Variants in CDK12 observed in about 807,000 individuals in gnomAD.
CDK12 encodes the protein cyclin-dependent kinase 12.
Under a neutral mutation model 133.8 loss-of-function variants are expected in CDK12, and 17 were observed. The observed-to-expected ratio is 0.13, with a 90% CI of 0.09 to 0.19. CDK12 has a LOEUF of 0.19. Among genes scored for constraint, CDK12 ranks in the 10% least tolerant of loss-of-function variants. The pLI, the probability that CDK12 is intolerant of heterozygous loss-of-function variation, is 1.00. For synonymous variants in CDK12, 694 were observed against 683.6 expected (o/e 1.02, Z -0.24); for missense variants, 1,508 against 1,818.7 (o/e 0.83, Z 3.11).
chr17:39,530,195 G>A (rs2054742416), intron 13 of CDK12: 1 of 166,258 alleles, frequency 6.0e-6, no homozygotes, highest in Non-Finnish European at 1.3e-5. Context: ...GCAAGATTAT[G>A]TCCTAGAAAT....
chr17:39,527,586 T>C (rs1323082014), intron 13 of CDK12, among the ~76,000 whole-genome samples: 3 of 152,248 alleles, frequency 2.0e-5, no homozygotes, highest in Non-Finnish European at 4.4e-5. Flanking sequence ...CTTACTCCAT[T>C]GCCCAGGCTG....
At chr17:39,504,236 G>A (rs1473024309) in intron 6 of CDK12, among the ~76,000 whole-genome samples, 1 of 152,176 alleles carries the variant, frequency 6.6e-6, no homozygotes, top group Non-Finnish European at 1.5e-5. Context: ...TATATATCCA[G>A]GGTAGTGATA....
upstream of CDK12, among the ~76,000 whole-genome samples, chr17:39,543,232 G>A (rs751973461): frequency 5.3e-5 from 8 of 152,204 alleles, no homozygotes; most frequent in Admixed American, 1.3e-4. Flanking sequence ...GTTTTGAGTT[G>A]TTTGATATTC....
At chr17:39,475,173 C>T (rs1235883584) in intron 2 of CDK12, among the ~76,000 whole-genome samples, 1 of 152,054 alleles carries the variant, frequency 6.6e-6, no homozygotes, top group Non-Finnish European at 1.5e-5. Flanking sequence ...TATACTCTTT[C>T]TAACATTAAT....
intron 6 of CDK12, among the ~76,000 whole-genome samples, chr17:39,506,234 T>TG (rs1383474376): frequency 6.7e-4 from 100 of 149,484 alleles, no homozygotes; most frequent in African/African-American, 2.4e-3. Flanking sequence ...TTTTTTTTTT[T>TG]GAGATGGAGT....
At chr17:39,496,299 A>G (rs1441143538) in intron 5 of CDK12, among the ~76,000 whole-genome samples, 1 of 152,210 alleles carries the variant, frequency 6.6e-6, no homozygotes, top group Non-Finnish European at 1.5e-5. Context: ...ACTTGTCATA[A>G]GCAATTTCTC....
intron 5 of CDK12, 138 bp from the exon 6 acceptor site, chr17:39,501,112 G>T: frequency 1.8e-6 from 1 of 558,274 alleles, no homozygotes; most frequent in Non-Finnish European, 3.1e-6. Context: ...CTTCGTTTCA[G>T]TTTCTTCATC....
At chr17:39,544,722 C>T (rs1003358890), upstream of CDK12, among the ~76,000 whole-genome samples, 16 of 150,594 alleles carry the variant, frequency 1.1e-4, no homozygotes, top group Non-Finnish European at 1.3e-4. Flanking sequence ...CTCCGCCTCC[C>T]GGGGTTCAAG....
intron 1 of CDK12, among the ~76,000 whole-genome samples, chr17:39,541,918 G>T (rs942579864): frequency 6.6e-6 from 1 of 152,218 alleles, no homozygotes; most frequent in South Asian, 2.1e-4. Flanking sequence ...CTTAAGGAAG[G>T]AAAGTGCCTT....
intron 1 of CDK12, among the ~76,000 whole-genome samples, chr17:39,464,004 G>A: frequency 6.6e-6 from 1 of 151,946 alleles, no homozygotes. Context: ...ATGTTGCTTT[G>A]TGACCTTTAG....
intron 6 of CDK12, among the ~76,000 whole-genome samples, chr17:39,507,669 C>G (rs1240180605): frequency 6.6e-6 from 1 of 152,104 alleles, no homozygotes; most frequent in Non-Finnish European, 1.5e-5. Flanking sequence ...TGGTGATATT[C>G]AGGTCTACAC....
chr17:39,510,268 C>T (rs368512239), intron 7 of CDK12, among the ~76,000 whole-genome samples: 27 of 151,580 alleles, frequency 1.8e-4, no homozygotes, highest in Non-Finnish European at 3.2e-4. Context: ...TACAGGTGCC[C>T]GCCACTACGC....
At chr17:39,466,080 G>A (rs2049282520) in intron 1 of CDK12, among the ~76,000 whole-genome samples, 3 of 152,044 alleles carry the variant, frequency 2.0e-5, no homozygotes, top group Non-Finnish European at 4.4e-5. Flanking sequence ...GGCCAAGGCG[G>A]GCAGATCTCC....
At chr17:39,544,092 C>T (rs962312880), upstream of CDK12, 5 of 416,792 alleles carry the variant, frequency 1.2e-5, no homozygotes, top group African/African-American at 1.0e-4. Flanking sequence ...AGTCTGAATC[C>T]TTCTGGGGAA....
intron 3 of CDK12, among the ~76,000 whole-genome samples, chr17:39,562,891 CTTT>C (rs1294534242): frequency 2.3e-5 from 1 of 44,414 alleles, no homozygotes; most frequent in African/African-American, 5.3e-5. Context: ...CTTTTTTTTT[CTTT>C]TTCTTTTCTT....
At position 39,492,904 on chromosome 17, in the gene CDK12, C is replaced by T; in HGVS notation, c.2248+14C>T. 6.3e-7 allele frequency: 1 copy of T among 1,586,504 alleles called. No homozygotes were observed. The highest frequency in any genetic ancestry group is 8.5e-7 in the Non-Finnish European group (1 of 1,169,742). On this transcript the variant is annotated intron_variant, in intron 4 of 13. Coordinates refer to ENST00000447079, the MANE Select transcript of CDK12 (RefSeq NM_016507.4). ...ACAAAGACACAGGTAAATATTGCCA[C>T]AAAATTTTAGATGTCAGAATGTTAA...
In CDK12 at chr17:39,530,822, G is replaced by A. The variant is rs2146834874; in HGVS notation, c.3979G>A (p.Glu1327Lys). The stretch of plus-strand genomic sequence containing the variant: ...TGAGCACCAGGCCTTGAGACCAATG[G>A]AGTACTCCACCCGACCCCGTCCAAA... ...PHEHQALRPM[E>K]YSTRPRPNRT... is the part of the protein sequence containing the mutation. Residue 1327 changes from glutamate to lysine, a missense_variant, in exon 14 of 14, where the codon GAG (glutamate) becomes AAG (lysine). Around this residue, in one of 9 missense-constraint regions of CDK12, gnomAD observed 399 missense variants for 469.6 expected, o/e 0.85. Transcript: ENST00000447079. 6.2e-7 allele frequency: 1 copy of A among 1,614,162 alleles called. No homozygotes were observed. The highest frequency in any genetic ancestry group is 8.5e-7 in the Non-Finnish European group (1 of 1,180,042).
At chr17:39,557,872 C>G (rs1008917568) in intron 3 of CDK12, among the ~76,000 whole-genome samples, 1 of 152,226 alleles carries the variant, frequency 6.6e-6, no homozygotes, top group Non-Finnish European at 1.5e-5. Context: ...CTGCCACTTA[C>G]CAGCTGTGCT....
chr17:39,494,438 C>A, intron 4 of CDK12, 86 bp from the exon 5 acceptor site: 1 of 1,117,972 alleles, frequency 8.9e-7, no homozygotes, highest in Non-Finnish European at 1.3e-6. Context: ...CTAAGTTTGT[C>A]TTCCAGAGCA....
Sources: allele counts gnomAD v4.1 joint callset (sites outside exome capture counted in the v4.1 genomes callset), GRCh38; gene constraint gnomAD v4.1.1; regional missense constraint gnomAD v4.1.1; transcripts MANE v1.5; gene names NCBI Gene and HGNC (gene_info 2026-07-23, HGNC 2026-07-21).